The following SH3GL2 variants were observed in gnomAD, a reference collection of about 807,000 sequenced individuals.
SH3GL2 encodes SH3 domain containing GRB2 like 2, endophilin A1.
In SH3GL2, 24 loss-of-function variants were observed where a neutral mutation model predicts 46.0. The ratio of observed to expected loss-of-function variants is 0.52; its 90% CI spans 0.38 to 0.73. SH3GL2 has a LOEUF of 0.73. Ranked by LOEUF, SH3GL2 falls within the 30% of genes least tolerant of loss-of-function variation. The pLI is 0.00. For missense variants in SH3GL2, 413 were observed against 424.2 expected, an observed-to-expected ratio of 0.97 and a Z score of 0.23; for synonymous variants, 196 against 147.1, an observed-to-expected ratio of 1.33 and a Z score of -2.40.
At chr9:17,653,525 C>T (rs1340072855) in intron 1 of SH3GL2, among the ~76,000 whole-genome samples, 2 of 152,132 alleles carry the variant, frequency 1.3e-5, no homozygotes, top group African/African-American at 4.8e-5. Flanking sequence ...TTCTGCTCCT[C>T]ATTTGCCTCA....
At chr9:17,694,497 T>G (rs1238149050) in intron 1 of SH3GL2, among the ~76,000 whole-genome samples, 1 of 152,160 alleles carries the variant, frequency 6.6e-6, no homozygotes, top group African/African-American at 2.4e-5. Context: ...ATACTAGACT[T>G]GATGTACCTG....
At chr9:17,607,003 C>T (rs1818771430) in intron 1 of SH3GL2, among the ~76,000 whole-genome samples, 1 of 152,184 alleles carries the variant, frequency 6.6e-6, no homozygotes, top group East Asian at 1.9e-4. Flanking sequence ...CTAGCTGAAG[C>T]CCTTTTTTTC....
Position 17,630,175 on chromosome 9 carries a change from G to A in SH3GL2, c.45+50888G>A, listed in dbSNP as rs148889660. On this transcript the variant is annotated intron_variant, in intron 1 of 8. Transcript: ENST00000380607. ...TTCAATGAATATTTTTGAGCAATAAGTGAGCACATGAGTTGCTGGGTTTGT... is the reference window on the plus strand; with the variant it reads ...TTCAATGAATATTTTTGAGCAATAAATGAGCACATGAGTTGCTGGGTTTGT... Among the ~76,000 whole-genome samples the A allele has an allele frequency of 1.6e-3, 246 of 152,286 alleles. 1 individual carries two copies. Among genetic ancestry groups the A allele is most frequent in the African/African-American group, 5.7e-3 (235 of 41,552 alleles).
intron 1 of SH3GL2, among the ~76,000 whole-genome samples, chr9:17,631,661 A>G (rs1328797567): frequency 8.5e-5 from 13 of 152,110 alleles, no homozygotes; most frequent in Admixed American, 8.5e-4. Context: ...TACCACCCCC[A>G]TGCATAGTAT....
chr9:17,645,061 C>T (rs549588578), intron 1 of SH3GL2, among the ~76,000 whole-genome samples: 1 of 151,152 alleles, frequency 6.6e-6, no homozygotes, highest in African/African-American at 2.4e-5. Flanking sequence ...TGCATTGATT[C>T]CTTTACCATT....
chr9:17,747,041 T>A, intron 1 of SH3GL2, 25 bp from the exon 2 acceptor site: 1 of 1,504,788 alleles, frequency 6.6e-7, no homozygotes, highest in Non-Finnish European at 9.2e-7. Context: ...TTATAATAAT[T>A]CTCCTTTGTG....
At chr9:17,588,120 T>A (rs1157859468) in intron 1 of SH3GL2, among the ~76,000 whole-genome samples, 1 of 152,180 alleles carries the variant, frequency 6.6e-6, no homozygotes, top group Non-Finnish European at 1.5e-5. Context: ...TCATTTATAT[T>A]TCCCGTTATT....
intron 1 of SH3GL2, among the ~76,000 whole-genome samples, chr9:17,728,028 C>G (rs946292879): frequency 7.9e-5 from 12 of 152,118 alleles, no homozygotes; most frequent in African/African-American, 2.9e-4. Flanking sequence ...AAGGGGTTTT[C>G]ATTGTATTTG....
chr9:17,579,884 C>T (rs1268055271), intron 1 of SH3GL2, among the ~76,000 whole-genome samples: 2 of 152,190 alleles, frequency 1.3e-5, no homozygotes, highest in African/African-American at 4.8e-5. Context: ...AGAACTCGGT[C>T]GTGAAACTCC....
rs563851256 is a variant in SH3GL2 at position 17,785,053 on chromosome 9, A to G, written c.188-1328A>G. On this transcript the variant is annotated intron_variant, in intron 3 of 8. Coordinates refer to ENST00000380607, the MANE Select transcript of SH3GL2 (RefSeq NM_003026.5). The stretch of plus-strand genomic sequence containing the variant: ...TCAAACTTAACATATGATCCCTTTT[A>G]TATGAAAAAGCAAATAAGAAATGAA... 1.8e-3 allele frequency among the ~76,000 whole-genome samples: 279 copies of G among 152,318 alleles called. 1 individual carries two copies. Among genetic ancestry groups the G allele is most frequent in the South Asian group, 6.2e-3 (30 of 4,822 alleles).
chr9:17,685,385 ATCT>A (rs1446654153), intron 1 of SH3GL2, among the ~76,000 whole-genome samples: 3 of 152,088 alleles, frequency 2.0e-5, no homozygotes, highest in Non-Finnish European at 4.4e-5. Context: ...ACTGACAATA[ATCT>A]TCTTAAAGTT....
At chr9:17,780,482 A>AATT (rs372380998) in intron 3 of SH3GL2, among the ~76,000 whole-genome samples, 4 of 147,864 alleles carry the variant, frequency 2.7e-5, no homozygotes, top group Admixed American at 6.7e-5. Context: ...TTTTTTTTTA[A>AATT]TTTTTTTTTT....
intron 1 of SH3GL2, among the ~76,000 whole-genome samples, chr9:17,628,846 T>C (rs1421620234): frequency 6.6e-6 from 1 of 152,188 alleles, no homozygotes; most frequent in Admixed American, 6.5e-5. Context: ...AAAATTGATA[T>C]TGGATCCAAT....
chr9:17,768,370 C>CAAAAAAAA (rs34891273), intron 3 of SH3GL2, among the ~76,000 whole-genome samples: 1 of 67,224 alleles, frequency 1.5e-5, no homozygotes, highest in Non-Finnish European at 3.1e-5. Flanking sequence ...GACTCTGTCT[C>CAAAAAAAA]AAAAAAAAAA....
intron 1 of SH3GL2, among the ~76,000 whole-genome samples, chr9:17,682,858 T>C (rs1820809057): frequency 6.6e-6 from 1 of 152,076 alleles, no homozygotes; most frequent in Non-Finnish European, 1.5e-5. Context: ...ATTTGTGTAT[T>C]TCAAACTCCG....
chr9:17,705,665 A>T (rs1471194367), intron 1 of SH3GL2, among the ~76,000 whole-genome samples: 1 of 152,064 alleles, frequency 6.6e-6, no homozygotes, highest in East Asian at 1.9e-4. Flanking sequence ...ACATGCATGG[A>T]GCTGGAGGCC....
At chr9:17,585,705 G>A (rs1423328489) in intron 1 of SH3GL2, among the ~76,000 whole-genome samples, 1 of 152,200 alleles carries the variant, frequency 6.6e-6, no homozygotes, top group African/African-American at 2.4e-5. Context: ...GCAGTTCACA[G>A]TGCGTTGCAT....
chr9:17,791,190 A>G, intron 6 of SH3GL2, 41 bp from the exon 7 acceptor site: 1 of 1,388,720 alleles, frequency 7.2e-7, no homozygotes, highest in Non-Finnish European at 1.0e-6. Context: ...TAGGGATGGT[A>G]ACGTGTAAAA....
At chr9:17,726,685 A>G (rs1240624729) in intron 1 of SH3GL2, among the ~76,000 whole-genome samples, 1 of 152,194 alleles carries the variant, frequency 6.6e-6, no homozygotes, top group Non-Finnish European at 1.5e-5. Flanking sequence ...ATAAAATAGG[A>G]AGCAGAGAGG....
Sources: gnomAD v4.1 joint callset for allele counts (sites outside exome capture counted in the v4.1 genomes callset) on GRCh38, gnomAD v4.1.1 for gene constraint, MANE v1.5 for transcripts, NCBI Gene and HGNC (gene_info 2026-07-23, HGNC 2026-07-21) for gene names.